The following TEP1 variants were observed in gnomAD, a reference collection of about 807,000 sequenced individuals.
The protein encoded by TEP1 is telomerase associated protein 1, also known as telomerase protein component 1.
Under a neutral mutation model 306.3 loss-of-function variants are expected in TEP1, and 241 were observed. The ratio of observed to expected loss-of-function variants is 0.79; its 90% CI spans 0.71 to 0.88. TEP1 has a LOEUF of 0.88. Among genes scored for constraint, TEP1 ranks in the 40% least tolerant of loss-of-function variants. The pLI, the probability that TEP1 is intolerant of heterozygous loss-of-function variation, is 0.00. For synonymous variants in TEP1, 1,289 were observed against 1,305.5 expected, an observed-to-expected ratio of 0.99 and a Z score of 0.27; for missense variants, 3,051 against 3,276.1, an observed-to-expected ratio of 0.93 and a Z score of 1.68.
Position 20,401,166 on chromosome 14 carries a change from T to C in TEP1, c.1392-25A>G, listed in dbSNP as rs773471753. ...TCTGAGGATAGGTAAGAAAGAGGTC[T>C]ATCATTTCAGAGTCAGCAAGAAAAT... On this transcript the variant is annotated intron_variant, in intron 8 of 54. Transcript: ENST00000262715. The C allele has an allele frequency of 8.1e-6, 13 of 1,612,116 alleles. No individual in the cohort carries two copies. The South Asian group carries it at 1.4e-4, about 18-fold the overall frequency.
At chr14:20,404,914 A>G in intron 4 of TEP1, 142 bp from the exon 5 acceptor site, 1 of 950,548 alleles carries the variant, frequency 1.1e-6, no homozygotes. Flanking sequence ...AGCCCAGGCC[A>G]CCTGACTTGG....
intron 24 of TEP1, 57 bp from the exon 25 acceptor site, chr14:20,383,975 G>A: frequency 6.3e-7 from 1 of 1,587,498 alleles, no homozygotes. Context: ...AGCTCCCTGT[G>A]CCTTACCTCC....
rs750229679 is a variant in TEP1, at chr14:20,368,586, G to A, written c.7762-27C>T. On this transcript the variant is annotated intron_variant, in intron 54 of 54. Transcript: ENST00000262715. Reference sequence around the variant, plus strand: ...TACGATGGGAACAAAAATAGGGGAGGTCAGGGCTACAAGCCTCCTTACTAA... The same window carrying A: ...TACGATGGGAACAAAAATAGGGGAGATCAGGGCTACAAGCCTCCTTACTAA... The A allele has an allele frequency of 1.2e-5, 19 of 1,613,434 alleles. 1 individual carries two copies. Among genetic ancestry groups the A allele is most frequent in the Middle Eastern group, 1.6e-4 (1 of 6,082 alleles).
Position 20,389,243 on chromosome 14 carries a change from T to C in TEP1, c.2520A>G (p.Ile840Met), listed in dbSNP as rs1252951251. The change falls in exon 17 of 55, where the codon ATA becomes ATG. Residue 840 changes from isoleucine (I) to methionine (M), a missense_variant. By Grantham distance (10) the Ile-to-Met change is conservative. Around this residue, in one of 3 missense-constraint regions of TEP1, gnomAD observed 1,507 missense variants for 1,550.5 expected, o/e 0.97. Coordinates refer to ENST00000262715, the MANE Select transcript of TEP1 (RefSeq NM_007110.5). Reference sequence around the variant, plus strand: ...AGTATCCATTCTGTACTCACTTCAGTATCGCATCAGTACAGCCTGAGAGTG... The same window carrying C: ...AGTATCCATTCTGTACTCACTTCAGCATCGCATCAGTACAGCCTGAGAGTG... ...DVTLSGCTDA[I>M]LKFIAEHGAS... is the part of the protein sequence containing the mutation. The C allele has an allele frequency of 5.0e-6, 8 of 1,613,944 alleles. No homozygotes were observed. Among genetic ancestry groups the C allele is most frequent in the Non-Finnish European group, 6.8e-6 (8 of 1,179,962 alleles).
intron 2 of TEP1, among the ~76,000 whole-genome samples, chr14:20,407,201 T>G (rs1344633955): frequency 1.3e-5 from 2 of 152,238 alleles, no homozygotes; most frequent in African/African-American, 2.4e-5. Flanking sequence ...TTAAGTGGTC[T>G]CTGGTACAGG....
chr14:20,368,767 C>T (rs774717150), intron 54 of TEP1, 31 bp downstream of exon 54: 1 of 1,096,152 alleles, frequency 9.1e-7, no homozygotes, highest in Non-Finnish European at 1.2e-6. Context: ...GGCGCACGCA[C>T]ACACACACAC....
chr14:20,385,209 C>G (rs1594344791), intron 20 of TEP1, 100 bp from the exon 21 acceptor site: 10 of 1,438,050 alleles, frequency 7.0e-6, no homozygotes, highest in Non-Finnish European at 9.5e-6. Context: ...TGATGTTCCT[C>G]TCTCCTTCCC....
intron 41 of TEP1, 114 bp from the exon 42 acceptor site, chr14:20,376,378 C>G: frequency 2.7e-6 from 3 of 1,110,814 alleles, no homozygotes; most frequent in Non-Finnish European, 1.3e-6. Flanking sequence ...TGAGGCTCAG[C>G]TCCATGGGAG....
intron 35 of TEP1, among the ~76,000 whole-genome samples, chr14:20,379,362 T>C (rs1297983663): frequency 6.6e-6 from 1 of 152,176 alleles, no homozygotes; most frequent in Non-Finnish European, 1.5e-5. Context: ...TGGGGTTACA[T>C]GGGGTAGGGG....
chr14:20,389,442 G>T, intron 16 of TEP1, 145 bp from the exon 17 acceptor site: 1 of 1,408,840 alleles, frequency 7.1e-7, no homozygotes, highest in Non-Finnish European at 9.9e-7. Context: ...GACTCTCACA[G>T]AGGGGTACAG....
In TEP1 at chr14:20,380,239, G is replaced by A; in HGVS notation, c.4999C>T (p.Gln1667Ter). 3 of 1,613,678 alleles carry A rather than the reference G, an allele frequency of 1.9e-6. No individual in the cohort carries two copies. In the East Asian group the frequency reaches 6.7e-5, roughly 36 times the overall value. Residue 1667 changes from glutamine to a stop codon, truncating the protein, a stop_gained, in exon 34 of 55, where the codon CAA becomes TAA. Transcript: ENST00000262715. LOFTEE classifies it high-confidence loss of function. ...LNKPRTMKNQ[Q>*]SSSLSLAVSS... is the part of the protein sequence containing the mutation. ...GGTCTGGGGTCAAGGTCTTACCTTT[G>A]CTGATTTTTCATGGTCCGGGGTTTA...
chr14:20,374,387 C>A, intron 44 of TEP1, 42 bp downstream of exon 44: 1 of 1,481,554 alleles, frequency 6.7e-7, no homozygotes, highest in Non-Finnish European at 9.3e-7. Context: ...CCCCCTTAGC[C>A]CTTCCAGAGA....
intron 2 of TEP1, among the ~76,000 whole-genome samples, chr14:20,407,336 G>A (rs1215292821): frequency 6.6e-6 from 1 of 152,170 alleles, no homozygotes; most frequent in Non-Finnish European, 1.5e-5. Flanking sequence ...CCTAAGGACA[G>A]GGACTGTTTT....
intron 9 of TEP1, chr14:20,400,657 C>T: frequency 4.1e-6 from 1 of 242,176 alleles, no homozygotes; most frequent in South Asian, 8.0e-5. Context: ...TTCCAATATG[C>T]CATGTGCCAG....
chr14:20,372,928 A>G, intron 48 of TEP1, 71 bp from the exon 49 acceptor site: 1 of 1,613,314 alleles, frequency 6.2e-7, no homozygotes, highest in Non-Finnish European at 8.5e-7. Flanking sequence ...CCTCCCAGGC[A>G]CATATGCAAC....
Position 20,378,265 on chromosome 14 carries a change from G to A in TEP1, c.5509-29C>T, listed in dbSNP as rs368875202. 8.1e-6 allele frequency: 13 copies of A among 1,613,274 alleles called. No homozygotes were observed. In the Admixed American group the frequency reaches 1.0e-4, roughly 12 times the overall value. On this transcript the variant is annotated intron_variant, in intron 38 of 54. Coordinates refer to ENST00000262715, the MANE Select transcript of TEP1 (RefSeq NM_007110.5). ...CACAGGGAGGTAGAAATGGAAACGTGAAGACCTGCTCTCAGCAAAATCTTA... is the reference window on the plus strand; with the variant it reads ...CACAGGGAGGTAGAAATGGAAACGTAAAGACCTGCTCTCAGCAAAATCTTA...
chr14:20,374,533 A>ATATC lies in TEP1; in HGVS notation c.6364-1_6366dup (p.Ser2123AspfsTer6), dbSNP rs981005288. 1 of 1,610,698 alleles carries ATATC rather than the reference A, an allele frequency of 6.2e-7. No individual in the cohort carries two copies. Among genetic ancestry groups the ATATC allele is most frequent in the Non-Finnish European group, 8.5e-7 (1 of 1,178,274 alleles). The stretch of plus-strand genomic sequence containing the variant: ...CCCACAGAGCCATCACTGGAGCAGG[A>ATATC]TATCTACAGAGTCAGAAGTCAGAGG... On this transcript the variant is annotated frameshift_variant, in exon 44 of 55. Transcript: ENST00000262715. LOFTEE classifies it high-confidence loss of function.
rs1566439682 is a variant in TEP1 at position 20,372,823 on chromosome 14, G to A, written c.6986C>T (p.Ser2329Leu). ...PGHIGALIWS[S>L]AHTFFVLSAD... ...ACTGAGGACAAAAAAGGTGTGTGCC[G>A]AGGACCAGATCAGAGCACCAATGTG... The change falls in exon 49 of 55, where the codon TCG (serine) becomes TTG (leucine). Residue 2329 changes from serine (S) to leucine (L), a missense_variant. By Grantham distance (145) the Ser-to-Leu change is moderately radical. Around this residue, in one of 3 missense-constraint regions of TEP1, gnomAD observed 1,540 missense variants for 1,705.9 expected, o/e 0.90. Coordinates refer to ENST00000262715, the MANE Select transcript of TEP1 (RefSeq NM_007110.5). 12 of 1,614,132 alleles carry A rather than the reference G, an allele frequency of 7.4e-6. No homozygotes were observed. Among genetic ancestry groups the A allele is most frequent in the East Asian group, 2.2e-5 (1 of 44,890 alleles).
chr14:20,389,976 T>C (rs2139107069), intron 15 of TEP1, among the ~76,000 whole-genome samples: 1 of 152,300 alleles, frequency 6.6e-6, no homozygotes, highest in South Asian at 2.1e-4. Context: ...AGAGAGCTGA[T>C]TGTTAAGTTT....
Sources: gnomAD v4.1 joint callset for allele counts (sites outside exome capture counted in the v4.1 genomes callset) on GRCh38, gnomAD v4.1.1 for gene constraint, gnomAD v4.1.1 regional missense constraint, MANE v1.5 for transcripts, NCBI Gene and HGNC (gene_info 2026-07-23, HGNC 2026-07-21) for gene names.